AR: variants seen among roughly 807,000 people sequenced by gnomAD.
AR encodes the protein dihydrotestosterone receptor.
Under a neutral mutation model 53.9 loss-of-function variants are expected in AR, and 8 were observed. The ratio of observed to expected loss-of-function variants is 0.15; its 90% CI spans 0.09 to 0.27. AR has a LOEUF of 0.27. Ranked by LOEUF, AR falls within the 10% of genes least tolerant of loss-of-function variation. AR has a pLI of 1.00. For missense variants in AR, 639 were observed against 742.5 expected (o/e 0.86, Z 1.62); for synonymous variants, 359 against 316.4 (o/e 1.13, Z -1.43).
intron 1 of AR, among the ~76,000 whole-genome samples, chrX:67,628,724 A>C (rs1924859766): frequency 9.0e-6 from 1 of 111,729 alleles, no homozygotes; most frequent in Admixed American, 9.5e-5. Context: ...CAGTTTTCAA[A>C]GAGAATGCTT....
chrX:67,695,166 CAAG>C, intron 3 of AR: 1 of 757,640 alleles, frequency 1.3e-6, no homozygotes, highest in Non-Finnish European at 1.6e-6. Flanking sequence ...TCACCTTGGA[CAAG>C]AAGCAACTGT....
chrX:67,613,153 G>C (rs1432914287), intron 1 of AR, among the ~76,000 whole-genome samples: 1 of 111,697 alleles, frequency 9.0e-6, no homozygotes, highest in Non-Finnish European at 1.9e-5. Context: ...AAATTAAGAG[G>C]ACTAGGGAAT....
At chrX:67,597,682 C>T (rs1923146947) in intron 1 of AR, among the ~76,000 whole-genome samples, 1 of 111,726 alleles carries the variant, frequency 9.0e-6, no homozygotes, top group African/African-American at 3.3e-5. Context: ...CTGCTCACTG[C>T]CCTGATAACT....
intron 1 of AR, among the ~76,000 whole-genome samples, chrX:67,609,634 G>T (rs779258483): frequency 9.1e-6 from 1 of 109,777 alleles, no homozygotes; most frequent in Non-Finnish European, 1.9e-5. Context: ...TTTTTTTCTT[G>T]CATGGGATTT....
intron 4 of AR, among the ~76,000 whole-genome samples, chrX:67,716,577 A>G (rs7064188): frequency 0.15 from 16,838 of 110,999 alleles, 1,647 homozygotes; most frequent in African/African-American, 0.35. Flanking sequence ...CAGTAAGATG[A>G]GGATGGCAGT....
chrX:67,709,737 T>C (rs2147522470), intron 3 of AR, among the ~76,000 whole-genome samples: 1 of 112,290 alleles, frequency 8.9e-6, no homozygotes, highest in South Asian at 3.7e-4. Context: ...TCACTCACGC[T>C]GGGAGCTGTA....
At chrX:67,623,996 G>C (rs1381290009) in intron 1 of AR, among the ~76,000 whole-genome samples, 17 of 110,886 alleles carry the variant, frequency 1.5e-4, no homozygotes, top group Non-Finnish European at 3.8e-5. Flanking sequence ...ATTTACATCA[G>C]GTGAAAGGCT....
chrX:67,697,480 A>G (rs2076025670), intron 3 of AR, among the ~76,000 whole-genome samples: 1 of 111,468 alleles, frequency 9.0e-6, no homozygotes, highest in Non-Finnish European at 1.9e-5. Context: ...AGATTCTGAA[A>G]CCTGCCAGCA....
rs1929711151 is a variant in AR, at chrX:67,546,040, C to A, written c.894C>A (p.Ser298Arg). 8.2e-7 allele frequency: 1 copy of A among 1,212,273 alleles called. No individual in the cohort carries two copies. Among genetic ancestry groups the A allele is most frequent in the Non-Finnish European group, 1.1e-6 (1 of 895,624 alleles). ...AECKGSLLDD[S>R]AGKSTEDTAE... ...GCAAAGGTTCTCTGCTAGACGACAG[C>A]GCAGGCAAGAGCACTGAAGATACTG... The change falls in exon 1 of 8, where the codon AGC becomes AGA. Residue 298 changes from serine (S) to arginine (R), a missense_variant. Transcript: ENST00000374690.
At chrX:67,697,046 G>C (rs1464190727) in intron 3 of AR, among the ~76,000 whole-genome samples, 1 of 111,731 alleles carries the variant, frequency 9.0e-6, no homozygotes, top group African/African-American at 3.3e-5. Flanking sequence ...TTTTGGAAAT[G>C]GGTCCTTTTC....
intron 4 of AR, among the ~76,000 whole-genome samples, chrX:67,713,410 A>C (rs887600988): frequency 9.0e-6 from 1 of 111,643 alleles, no homozygotes; most frequent in African/African-American, 3.3e-5. Context: ...AGGTTGCTTT[A>C]ATTCTTATCA....
chrX:67,654,423 G>A (rs776548057), intron 2 of AR, among the ~76,000 whole-genome samples: 2 of 111,172 alleles, frequency 1.8e-5, no homozygotes, highest in East Asian at 5.7e-4. Flanking sequence ...ATCAGCATTT[G>A]TATGAGAATA....
intron 6 of AR, 83 bp downstream of exon 6, chrX:67,722,046 G>A (rs1164753015): frequency 9.1e-7 from 1 of 1,104,417 alleles, no homozygotes; most frequent in Non-Finnish European, 1.2e-6. Context: ...AACATTATTA[G>A]GGAAAAGCCA....
chrX:67,573,741 CA>C (rs1921928116), intron 1 of AR, among the ~76,000 whole-genome samples: 1 of 111,517 alleles, frequency 9.0e-6, no homozygotes, highest in Non-Finnish European at 1.9e-5. Flanking sequence ...CCCAGAATGG[CA>C]AAATAATTTT....
At chrX:67,688,777 T>C in intron 3 of AR, among the ~76,000 whole-genome samples, 1 of 111,718 alleles carries the variant, frequency 9.0e-6, no homozygotes, top group African/African-American at 3.2e-5. Flanking sequence ...CCACGTTCCC[T>C]GCCCTACTGA....
At chrX:67,595,013 T>A (rs1923014389) in intron 1 of AR, among the ~76,000 whole-genome samples, 1 of 110,901 alleles carries the variant, frequency 9.0e-6, no homozygotes, top group African/African-American at 3.3e-5. Context: ...CTAAATAATT[T>A]TCCAATCTAG....
At chrX:67,597,201 CGTT>C (rs935423857) in intron 1 of AR, among the ~76,000 whole-genome samples, 4 of 112,067 alleles carry the variant, frequency 3.6e-5, no homozygotes, top group African/African-American at 1.3e-4. Context: ...TCCTCTACTT[CGTT>C]GTTGTAGTGC....
chrX:67,612,596 C>T (rs781159561), intron 1 of AR, among the ~76,000 whole-genome samples: 131 of 111,976 alleles, frequency 1.2e-3, no homozygotes, highest in African/African-American at 2.2e-3. Context: ...CACTCCAAGA[C>T]GAAGGTGTTT....
At chrX:67,651,326 C>T (rs1027474197) in intron 2 of AR, among the ~76,000 whole-genome samples, 36 of 109,804 alleles carry the variant, frequency 3.3e-4, no homozygotes, top group African/African-American at 1.1e-3. Flanking sequence ...GGATTACAGG[C>T]GTGAAAATGT....
Sources: gnomAD v4.1 joint callset for allele counts (sites outside exome capture counted in the v4.1 genomes callset) on GRCh38, gnomAD v4.1.1 for gene constraint, MANE v1.5 for transcripts, NCBI Gene and HGNC (gene_info 2026-07-23, HGNC 2026-07-21) for gene names.